The following ZHX3 variants were observed in gnomAD, a reference collection of about 807,000 sequenced individuals.
ZHX3 encodes the protein zinc fingers and homeoboxes 3, also known as zinc fingers and homeoboxes protein 3.
ZHX3 carries 20 observed loss-of-function variants against 64.5 expected under a neutral mutation model. The observed-to-expected ratio is 0.31, with a 90% CI of 0.22 to 0.45. ZHX3 has a LOEUF of 0.45. Among genes scored for constraint, ZHX3 ranks in the 20% least tolerant of loss-of-function variants. The pLI is 1.00. For synonymous variants in ZHX3, 423 were observed against 461.6 expected, an observed-to-expected ratio of 0.92 and a Z score of 1.07; for missense variants, 1,041 against 1,195.8, an observed-to-expected ratio of 0.87 and a Z score of 1.91.
At chr20:41,254,377 T>C (rs918682439) in intron 2 of ZHX3, among the ~76,000 whole-genome samples, 1 of 152,154 alleles carries the variant, frequency 6.6e-6, no homozygotes, top group Non-Finnish European at 1.5e-5. Context: ...CACAGGATTT[T>C]TGTGAGGATT....
chr20:41,236,845 G>T (rs984279353), intron 2 of ZHX3, among the ~76,000 whole-genome samples: 6 of 151,944 alleles, frequency 3.9e-5, no homozygotes, highest in Admixed American at 3.9e-4. Flanking sequence ...CAGAATGGGA[G>T]AAAATTTTTG....
intron 3 of ZHX3, chr20:41,196,552 T>C (rs1275472139): frequency 6.7e-5 from 5 of 75,100 alleles, no homozygotes; most frequent in African/African-American, 1.1e-4. Context: ...ATATATAATA[T>C]ATATTATATA....
chr20:41,239,786 C>T (rs1300786315), intron 2 of ZHX3: 1 of 152,216 alleles, frequency 6.6e-6, no homozygotes, highest in South Asian at 2.1e-4. Flanking sequence ...CTGAATTTGA[C>T]CCTGTGATTC....
chr20:41,189,645 T>G (rs1003490247), intron 3 of ZHX3, among the ~76,000 whole-genome samples: 1 of 152,234 alleles, frequency 6.6e-6, no homozygotes, highest in Non-Finnish European at 1.5e-5. Flanking sequence ...TATTTTATTA[T>G]TGGTGTATAG....
chr20:41,245,363 G>C (rs1232815684), intron 2 of ZHX3, among the ~76,000 whole-genome samples: 1 of 152,212 alleles, frequency 6.6e-6, no homozygotes, highest in Non-Finnish European at 1.5e-5. Flanking sequence ...CCTCATGCAA[G>C]CTGTAGCTGC....
intron 1 of ZHX3, among the ~76,000 whole-genome samples, chr20:41,289,399 C>A (rs2044109774): frequency 6.6e-6 from 1 of 152,030 alleles, no homozygotes; most frequent in Non-Finnish European, 1.5e-5. Flanking sequence ...CCTCCCATTT[C>A]TAGTTCATGA....
chr20:41,217,873 A>C (rs1413061700), intron 2 of ZHX3, among the ~76,000 whole-genome samples: 32 of 152,242 alleles, frequency 2.1e-4, no homozygotes, highest in Admixed American at 2.1e-3. Context: ...GTTCTCTTTT[A>C]GACTATATTC....
chr20:41,301,971 G>A (rs1367388544), intron 1 of ZHX3, among the ~76,000 whole-genome samples: 3 of 148,040 alleles, frequency 2.0e-5, no homozygotes, highest in Admixed American at 6.8e-5. Flanking sequence ...GGAGAATGGC[G>A]TGAACCCGGG....
rs187192052 is a variant in ZHX3, at chr20:41,219,865, C to G, written c.-150-14799G>C. Among the ~76,000 whole-genome samples, 2 of 152,368 alleles carry G rather than the reference C, an allele frequency of 1.3e-5. No homozygotes were observed. The highest frequency in any genetic ancestry group is 3.9e-4 in the East Asian group (2 of 5,190). On this transcript the variant is annotated intron_variant, in intron 2 of 3. Transcript: ENST00000683867. This position sits in a 1 kb window ranked among gnomAD's most constrained non-coding sequence, Gnocchi z 5.0. ...TATAGGCTTTGCCTCACTATTTATT[C>G]TCTGGCCTGCAACTGGTTATGTTCC... is the stretch of plus-strand genomic sequence containing the variant.
At chr20:41,287,243 G>A (rs1261607866) in intron 1 of ZHX3, among the ~76,000 whole-genome samples, 1 of 152,056 alleles carries the variant, frequency 6.6e-6, no homozygotes, top group Non-Finnish European at 1.5e-5. Flanking sequence ...TGTTTAGAGA[G>A]GCCTCCCCTG....
At position 41,180,584 on chromosome 20, in the gene ZHX3, A is replaced by G. The variant is rs989189090; in HGVS notation, c.*4607T>C. On this transcript the variant is annotated 3_prime_UTR_variant, in exon 4 of 4. Coordinates refer to ENST00000683867, the MANE Select transcript of ZHX3 (RefSeq NM_001384317.1). ...GGCAAGAGCTCAGGAATGAAGAACC[A>G]AAAAGGAGGCTCTCAACCCCTCTCC... 2.0e-5 allele frequency: 3 copies of G among 152,290 alleles called. No individual in the cohort carries two copies. Among genetic ancestry groups the G allele is most frequent in the African/African-American group, 4.8e-5 (2 of 41,448 alleles). The allele number at this position is 152,290 out of a possible 1,614,324, so 9.4% of individuals were successfully genotyped here.
At chr20:41,225,197 C>T (rs1231044360) in intron 2 of ZHX3, among the ~76,000 whole-genome samples, 3 of 152,158 alleles carry the variant, frequency 2.0e-5, no homozygotes, top group Admixed American at 6.5e-5. Flanking sequence ...AAATGAGGAG[C>T]TATTAATACC....
At position 41,196,451 on chromosome 20, in the gene ZHX3, A is replaced by AAT. The variant is rs1197439466; in HGVS notation, c.2860+5604_2860+5605dup. On this transcript the variant is annotated intron_variant, in intron 3 of 3. Transcript: ENST00000683867. Reference sequence around the variant, plus strand: ...TTATATAAATATATATATTATATATAATATATTTATATATAATATATATTT... The same window carrying AAT: ...TTATATAAATATATATATTATATATAATATATATTTATATATAATATATATTT... Among the ~76,000 whole-genome samples the AAT allele has an allele frequency of 8.7e-3, 20 of 2,288 alleles. 2 individuals carry two copies. The East Asian group carries it at 0.12, about 14-fold the overall frequency. The allele number at this position is 2,288 out of a possible 152,430, so 1.5% of individuals were successfully genotyped here.
intron 2 of ZHX3, among the ~76,000 whole-genome samples, chr20:41,250,164 T>A (rs142537521): frequency 9.1e-4 from 139 of 152,128 alleles, no homozygotes; most frequent in African/African-American, 3.2e-3. Context: ...CTTACCCCCA[T>A]CAGACAGCAC....
rs1462974963 is a variant in ZHX3, at chr20:41,269,576, A to AC, written c.-244-494_-244-493insG. Reference sequence around the variant, plus strand: ...TGACCATTATTACCCCTATTTCATCATGGCACTTTCGGTAAATGAATGAGA... The same window carrying AC: ...TGACCATTATTACCCCTATTTCATCACTGGCACTTTCGGTAAATGAATGAGA... On this transcript the variant is annotated intron_variant, in intron 1 of 3. Coordinates refer to ENST00000683867, the MANE Select transcript of ZHX3 (RefSeq NM_001384317.1). The AC allele has an allele frequency of 3.4e-4, 39 of 115,710 alleles. 1 individual carries two copies. The highest frequency in any genetic ancestry group is 1.7e-3 in the African/African-American group (37 of 21,894). 7.2% of individuals were successfully genotyped at this position (115,710 alleles called of 1,614,324 possible). A position where few individuals can be genotyped will look rare whatever the true frequency, so the allele number is the denominator to read the frequency against.
At chr20:41,281,084 C>T (rs535953655) in intron 1 of ZHX3, among the ~76,000 whole-genome samples, 25 of 152,168 alleles carry the variant, frequency 1.6e-4, no homozygotes, top group Admixed American at 9.2e-4. Flanking sequence ...TAGGAACATG[C>T]TACAGTTAGG....
At chr20:41,298,777 C>T (rs2044663320) in intron 1 of ZHX3, among the ~76,000 whole-genome samples, 1 of 152,066 alleles carries the variant, frequency 6.6e-6, no homozygotes, top group Non-Finnish European at 1.5e-5. Context: ...CTGAAGAAAC[C>T]AGGGATCCAG....
intron 1 of ZHX3, among the ~76,000 whole-genome samples, chr20:41,310,125 A>T (rs2045087860): frequency 6.6e-6 from 1 of 152,044 alleles, no homozygotes; most frequent in Non-Finnish European, 1.5e-5. Context: ...CCTCTGCTCC[A>T]CTGTCTTTCT....
chr20:41,211,252 T>A (rs1417817317), intron 2 of ZHX3, among the ~76,000 whole-genome samples: 1 of 152,154 alleles, frequency 6.6e-6, no homozygotes, highest in Non-Finnish European at 1.5e-5. Flanking sequence ...AATGCTCTAA[T>A]GACTAAAACA....
Sources: gnomAD v4.1 joint callset for allele counts (sites outside exome capture counted in the v4.1 genomes callset) on GRCh38, gnomAD v4.1.1 for gene constraint, Gnocchi (gnomAD v3.1) non-coding constraint, MANE v1.5 for transcripts, NCBI Gene and HGNC (gene_info 2026-07-23, HGNC 2026-07-21) for gene names.